Variants in CNTN6 observed in about 807,000 individuals in gnomAD.
CNTN6 encodes contactin-6.
Under a neutral mutation model 122.8 loss-of-function variants are expected in CNTN6, and 137 were observed. That is an observed-to-expected ratio of 1.12 (90% confidence interval 0.97 to 1.29). The LOEUF (loss-of-function observed/expected upper bound fraction) is 1.29, where lower values mean the gene tolerates loss of function less well. Among genes scored for constraint, CNTN6 ranks in the 50% most tolerant of loss-of-function variants. The probability of loss-of-function intolerance (pLI) is 0.00; values close to 1 mark genes in which losing one functional copy is unlikely to be tolerated. For missense variants in CNTN6, 1,634 were observed against 1,223.4 expected, an observed-to-expected ratio of 1.34 and a Z score of -5.01; for synonymous variants, 570 against 426.0, an observed-to-expected ratio of 1.34 and a Z score of -4.16.
At chr3:1,389,946 C>T (rs1274793318) in intron 20 of CNTN6, among the ~76,000 whole-genome samples, 1 of 150,446 alleles carries the variant, frequency 6.6e-6, no homozygotes, top group Admixed American at 6.6e-5. Context: ...CTTAGACTCC[C>T]ACACATTAAT....
chr3:1,359,699 C>G (rs750527850), intron 12 of CNTN6, among the ~76,000 whole-genome samples: 7 of 151,952 alleles, frequency 4.6e-5, no homozygotes, highest in Non-Finnish European at 8.8e-5. Context: ...TTTAGACTTA[C>G]GGATTGTATT....
intron 1 of CNTN6, among the ~76,000 whole-genome samples, 161 bp downstream of exon 1, chr3:1,093,281 A>C (rs751244565): frequency 3.9e-5 from 6 of 152,154 alleles, no homozygotes; most frequent in Non-Finnish European, 8.8e-5. Flanking sequence ...TGTTTCTATG[A>C]TGCTGATGTT....
chr3:1,400,364 T>G (rs1450758732), intron 20 of CNTN6, among the ~76,000 whole-genome samples: 2 of 152,104 alleles, frequency 1.3e-5, no homozygotes, highest in African/African-American at 2.4e-5. Context: ...TTTGGATAAG[T>G]GACTTCCCAA....
chr3:1,182,945 A>AT (rs1441254964), intron 2 of CNTN6, among the ~76,000 whole-genome samples: 3 of 152,166 alleles, frequency 2.0e-5, no homozygotes, highest in African/African-American at 7.2e-5. Context: ...GATTGAATGC[A>AT]TAAAATGTAT....
chr3:1,285,623 T>C (rs933914279), intron 5 of CNTN6, among the ~76,000 whole-genome samples: 1 of 152,304 alleles, frequency 6.6e-6, no homozygotes, highest in South Asian at 2.1e-4. Context: ...ATCTCAATTT[T>C]ACAAATTGAG....
chr3:1,398,828 CT>C (rs1162305165), intron 20 of CNTN6, among the ~76,000 whole-genome samples: 1 of 152,084 alleles, frequency 6.6e-6, no homozygotes, highest in African/African-American at 2.4e-5. Context: ...GTAAAACATT[CT>C]AAATAATCTG....
chr3:1,362,104 T>C, intron 12 of CNTN6, among the ~76,000 whole-genome samples: 1 of 152,074 alleles, frequency 6.6e-6, no homozygotes, highest in East Asian at 1.9e-4. Context: ...CAAAATAAAA[T>C]AAAATTGACC....
chr3:1,186,916 A>C (rs2093635871), intron 2 of CNTN6, among the ~76,000 whole-genome samples: 1 of 151,948 alleles, frequency 6.6e-6, no homozygotes, highest in South Asian at 2.1e-4. Context: ...CCAAATACAG[A>C]TAGAAAGGAA....
intron 2 of CNTN6, among the ~76,000 whole-genome samples, chr3:1,194,881 T>C (rs954052939): frequency 7.9e-5 from 12 of 152,070 alleles, no homozygotes; most frequent in African/African-American, 2.9e-4. Context: ...TTCTGTACTT[T>C]TGATGCTTTG....
chr3:1,366,364 A>G (rs928642522), intron 12 of CNTN6, among the ~76,000 whole-genome samples: 3 of 152,094 alleles, frequency 2.0e-5, no homozygotes, highest in African/African-American at 7.2e-5. Flanking sequence ...TAAAGATCTC[A>G]CCGATCCATA....
chr3:1,292,868 A>G (rs1695557705), intron 5 of CNTN6, among the ~76,000 whole-genome samples: 1 of 152,130 alleles, frequency 6.6e-6, no homozygotes, highest in Admixed American at 6.5e-5. Context: ...ATACATCTCC[A>G]GGTTTTTAAA....
intron 12 of CNTN6, among the ~76,000 whole-genome samples, chr3:1,366,696 A>AGAAT (rs1708274558): frequency 6.6e-6 from 1 of 152,150 alleles, no homozygotes; most frequent in South Asian, 2.1e-4. Context: ...ACATGGCTGT[A>AGAAT]GAATGAACTC....
At chr3:1,192,714 A>C (rs1425652884) in intron 2 of CNTN6, among the ~76,000 whole-genome samples, 1 of 151,702 alleles carries the variant, frequency 6.6e-6, no homozygotes, top group Non-Finnish European at 1.5e-5. Context: ...ACACACACAC[A>C]CCCCTGTTGT....
At chr3:1,276,861 C>G (rs1692463444) in intron 4 of CNTN6, among the ~76,000 whole-genome samples, 1 of 152,156 alleles carries the variant, frequency 6.6e-6, no homozygotes, top group Admixed American at 6.5e-5. Flanking sequence ...TGTTTCTGCT[C>G]CAGCTAGTCA....
At chr3:1,145,635 T>C (rs896376952) in intron 1 of CNTN6, among the ~76,000 whole-genome samples, 6 of 152,148 alleles carry the variant, frequency 3.9e-5, no homozygotes, top group Admixed American at 3.9e-4. Context: ...AAAACAAAGA[T>C]TTATGGCCAT....
chr3:1,249,429 G>A (rs1268114813), intron 4 of CNTN6, among the ~76,000 whole-genome samples: 4 of 152,142 alleles, frequency 2.6e-5, no homozygotes, highest in Non-Finnish European at 4.4e-5. Flanking sequence ...GGAATTATAT[G>A]AATGCCATTG....
chr3:1,340,750 T>C (rs1050604043), intron 11 of CNTN6, among the ~76,000 whole-genome samples: 3 of 152,132 alleles, frequency 2.0e-5, no homozygotes, highest in Non-Finnish European at 4.4e-5. Context: ...GATTGGAAAT[T>C]CCACTAGCAT....
intron 4 of CNTN6, among the ~76,000 whole-genome samples, chr3:1,266,372 C>T (rs1337859087): frequency 1.3e-5 from 2 of 152,128 alleles, no homozygotes; most frequent in African/African-American, 4.8e-5. Context: ...TACCATCAAC[C>T]CTGCAGTCAC....
intron 3 of CNTN6, among the ~76,000 whole-genome samples, chr3:1,221,162 A>G (rs2094202775): frequency 6.6e-6 from 1 of 151,966 alleles, no homozygotes; most frequent in South Asian, 2.1e-4. Flanking sequence ...AGAGAGAGAG[A>G]AGAGAGATAG....
Sources: gnomAD v4.1 joint callset for allele counts (sites outside exome capture counted in the v4.1 genomes callset) on GRCh38, gnomAD v4.1.1 for gene constraint, MANE v1.5 for transcripts, NCBI Gene and HGNC (gene_info 2026-07-23, HGNC 2026-07-21) for gene names.